The following GNAS-AS1 variants were observed in gnomAD, a reference collection of about 807,000 sequenced individuals.
The protein encoded by GNAS-AS1 is GNAS antisense RNA 1.
At chr20:58,835,492 T>TA (rs2145461292) in intron 4 of GNAS-AS1, among the ~76,000 whole-genome samples, 1 of 152,284 alleles carries the variant, frequency 6.6e-6, no homozygotes, top group Admixed American at 6.5e-5. Flanking sequence ...CATGGGCTTT[T>TA]AAAAATCAAA....
chr20:58,848,848 T>C, intron 2 of GNAS-AS1: 2 of 398,616 alleles, frequency 5.0e-6, no homozygotes, highest in Non-Finnish European at 4.4e-6. Context: ...CTGACCCCAT[T>C]ACTGATGTTT....
In GNAS-AS1 at chr20:58,824,083, C is replaced by A. The variant is rs928617349; in HGVS notation, n.820-4828G>T. On this transcript the variant is annotated intron_variant and non_coding_transcript_variant, in intron 4 of 4. Coordinates refer to ENST00000424094, the Ensembl canonical transcript of GNAS-AS1. ...TCGGCTTCAACATATCCTAAAAGAACCCATGAAGAACGAACTGTTAGGTGG... is the reference window on the plus strand; with the variant it reads ...TCGGCTTCAACATATCCTAAAAGAAACCATGAAGAACGAACTGTTAGGTGG... The A allele has an allele frequency of 3.1e-4, 125 of 398,532 alleles. No homozygotes were observed. The Middle Eastern group carries it at 5.0e-3, about 16-fold the overall frequency. 24.7% of individuals were successfully genotyped at this position (398,532 alleles called of 1,614,324 possible). A position where few individuals can be genotyped will look rare whatever the true frequency, so the allele number is the denominator to read the frequency against.
In GNAS-AS1 at chr20:58,840,527, C is replaced by T; in HGVS notation, n.819+1410G>A. On this transcript the variant is annotated intron_variant and non_coding_transcript_variant, in intron 4 of 4. Coordinates refer to ENST00000424094, the Ensembl canonical transcript of GNAS-AS1. This position sits in a 1 kb window ranked among gnomAD's most constrained non-coding sequence, Gnocchi z 6.0. The stretch of plus-strand genomic sequence containing the variant: ...CCCCACCACTGAGCCCGAGACCGAG[C>T]CTGAAGACGATCGCGGCCCGGTGGT... The T allele has an allele frequency of 6.2e-7, 1 of 1,613,592 alleles. No individual in the cohort carries two copies. Among genetic ancestry groups the T allele is most frequent in the African/African-American group, 1.3e-5 (1 of 75,036 alleles).
chr20:58,828,697 T>C (rs1485254019), intron 4 of GNAS-AS1, among the ~76,000 whole-genome samples: 1 of 152,218 alleles, frequency 6.6e-6, no homozygotes, highest in African/African-American at 2.4e-5. Flanking sequence ...TATGACAGCC[T>C]TTCCACTGTG....
chr20:58,831,919 GC>G (rs1314681797), intron 4 of GNAS-AS1, among the ~76,000 whole-genome samples: 1 of 152,030 alleles, frequency 6.6e-6, no homozygotes, highest in African/African-American at 2.4e-5. Flanking sequence ...CTTGATGAAA[GC>G]CCCACTACAA....
At position 58,840,034 on chromosome 20, in the gene GNAS-AS1, C is replaced by A. The variant is rs2085658137; in HGVS notation, n.819+1903G>T. 1 of 1,543,158 alleles carries A rather than the reference C, an allele frequency of 6.5e-7. No homozygotes were observed. The highest frequency in any genetic ancestry group is 8.9e-7 in the Non-Finnish European group (1 of 1,126,970). On this transcript the variant is annotated intron_variant and non_coding_transcript_variant, in intron 4 of 4. Coordinates refer to ENST00000424094, the Ensembl canonical transcript of GNAS-AS1. The surrounding 1 kb of genome is among the most constrained non-coding windows in gnomAD (Gnocchi z 6.0). ...TAGGGTGTACCTTTCCCGGCTCCAG[C>A]AGCCAATGTGCTTCGGAGCCACTCT...
At chr20:58,818,946 G>T in exon 5 of GNAS-AS1, 1 of 398,186 alleles carries the variant, frequency 2.5e-6, no homozygotes, top group Non-Finnish European at 4.4e-6. Flanking sequence ...AGGGCCTGCC[G>T]GGCCTTTATT....
chr20:58,841,256 T>C lies in GNAS-AS1; in HGVS notation n.819+681A>G. ...TTGTTTTGCGCGCTTTTCTTCCTCC[T>C]AGAAAGACTAGTCTCAAATAAGTTG... On this transcript the variant is annotated intron_variant and non_coding_transcript_variant, in intron 4 of 4. Coordinates refer to ENST00000424094, the Ensembl canonical transcript of GNAS-AS1. The surrounding 1 kb of genome is among the most constrained non-coding windows in gnomAD (Gnocchi z 5.0). 1.0e-6 allele frequency: 1 copy of C among 980,374 alleles called. No homozygotes were observed. Among genetic ancestry groups the C allele is most frequent in the Non-Finnish European group, 1.3e-6 (1 of 789,236 alleles). 60.7% of individuals were successfully genotyped at this position (980,374 alleles called of 1,614,324 possible).
intron 2 of GNAS-AS1, among the ~76,000 whole-genome samples, chr20:58,844,449 C>G (rs1284396199): frequency 6.6e-6 from 1 of 152,168 alleles, no homozygotes; most frequent in Non-Finnish European, 1.5e-5. Flanking sequence ...TTTCCTATAA[C>G]TTGATGTCCC....
At chr20:58,821,156 G>C (rs572575740) in intron 4 of GNAS-AS1, among the ~76,000 whole-genome samples, 1 of 152,204 alleles carries the variant, frequency 6.6e-6, no homozygotes, top group Non-Finnish European at 1.5e-5. Context: ...TGCCTCCTCA[G>C]CTACCCCAGC....
intron 2 of GNAS-AS1, among the ~76,000 whole-genome samples, chr20:58,842,883 C>T (rs991052127): frequency 2.0e-5 from 3 of 152,156 alleles, no homozygotes; most frequent in African/African-American, 4.8e-5. Context: ...CCCGTTTTCC[C>T]ACAGAGAATT....
intron 4 of GNAS-AS1, among the ~76,000 whole-genome samples, chr20:58,821,764 C>A (rs540151768): frequency 6.6e-6 from 1 of 152,298 alleles, no homozygotes; most frequent in East Asian, 1.9e-4. Context: ...ACCATGGATT[C>A]TTCTCTGAGG....
At chr20:58,842,361 T>G in intron 3 of GNAS-AS1, 1 of 398,152 alleles carries the variant, frequency 2.5e-6, no homozygotes, top group Non-Finnish European at 4.4e-6. Context: ...AGTAAAGCGT[T>G]TTGAGGGCTT....
At chr20:58,837,344 C>T (rs1164399525) in intron 4 of GNAS-AS1, among the ~76,000 whole-genome samples, 1 of 152,198 alleles carries the variant, frequency 6.6e-6, no homozygotes, top group Non-Finnish European at 1.5e-5. Context: ...TTGAAATATA[C>T]AGCTCTAAAT....
intron 2 of GNAS-AS1, among the ~76,000 whole-genome samples, chr20:58,844,343 G>A (rs2085859246): frequency 6.6e-6 from 1 of 152,160 alleles, no homozygotes; most frequent in Non-Finnish European, 1.5e-5. Flanking sequence ...CCCAGCAGAG[G>A]GATGAGATGC....
intron 4 of GNAS-AS1, among the ~76,000 whole-genome samples, chr20:58,825,722 C>T (rs984838731): frequency 4.6e-5 from 7 of 152,134 alleles, no homozygotes; most frequent in Admixed American, 6.5e-5. Context: ...GGTACTTTTG[C>T]GCTTAGATGG....
intron 4 of GNAS-AS1, among the ~76,000 whole-genome samples, chr20:58,828,767 G>A (rs2085536447): frequency 6.6e-6 from 1 of 152,172 alleles, no homozygotes; most frequent in Non-Finnish European, 1.5e-5. Flanking sequence ...CTTGTCACGT[G>A]CAGCCTAAAG....
chr20:58,840,013 G>C lies in GNAS-AS1; in HGVS notation n.819+1924C>G, dbSNP rs1335842844. On this transcript the variant is annotated intron_variant and non_coding_transcript_variant, in intron 4 of 4. Coordinates refer to ENST00000424094, the Ensembl canonical transcript of GNAS-AS1. The surrounding 1 kb of genome is among the most constrained non-coding windows in gnomAD (Gnocchi z 6.0). ...CCGGGCCAGCTTCTCACCTCATAGG[G>C]TGTACCTTTCCCGGCTCCAGCAGCC... is the stretch of plus-strand genomic sequence containing the variant. 1.4e-6 allele frequency: 2 copies of C among 1,426,996 alleles called. No individual in the cohort carries two copies. The highest frequency in any genetic ancestry group is 3.4e-5 in the Admixed American group (2 of 59,168). The allele number at this position is 1,426,996 out of a possible 1,614,324, so 88.4% of individuals were successfully genotyped here. A position where few individuals can be genotyped will look rare whatever the true frequency, so the allele number is the denominator to read the frequency against.
intron 4 of GNAS-AS1, among the ~76,000 whole-genome samples, chr20:58,833,562 T>C (rs1050300437): frequency 5.9e-5 from 9 of 152,108 alleles, no homozygotes; most frequent in African/African-American, 2.2e-4. Flanking sequence ...ACCTCAGGGT[T>C]CTCATACACA....
Sources: allele counts gnomAD v4.1 joint callset (sites outside exome capture counted in the v4.1 genomes callset), GRCh38; gene constraint gnomAD v4.1.1; non-coding constraint Gnocchi (gnomAD v3.1); transcripts MANE v1.5; gene names NCBI Gene and HGNC (gene_info 2026-07-23, HGNC 2026-07-21).